Variants in COL19A1 observed in about 807,000 individuals in gnomAD.
COL19A1 encodes the protein collagen alpha-1(XIX) chain.
In COL19A1, 159 loss-of-function variants were observed where a neutral mutation model predicts 190.2. That is an observed-to-expected ratio of 0.84 (90% CI 0.73 to 0.95). The LOEUF is 0.95. Among genes scored for constraint, COL19A1 ranks in the 40% least tolerant of loss-of-function variants. The pLI is 0.00. For missense variants in COL19A1, 1,418 were observed against 1,431.9 expected (o/e 0.99, Z 0.16); for synonymous variants, 509 against 458.9 (o/e 1.11, Z -1.39).
chr6:70,211,345 C>T lies in COL19A1; in HGVS notation c.*4071C>T, dbSNP rs1768196326. On this transcript the variant is annotated 3_prime_UTR_variant, in exon 51 of 51. Transcript: ENST00000620364. ...ACTCAAAAAAGCTTTGCAGATTTGT[C>T]CATTGCTCTTGTTCTTAAATTATTT... is the stretch of plus-strand genomic sequence containing the variant. 6.6e-6 allele frequency among the ~76,000 whole-genome samples: 1 copy of T among 151,796 alleles called. No individual in the cohort carries two copies. Among genetic ancestry groups the T allele is most frequent in the Non-Finnish European group, 1.5e-5 (1 of 67,906 alleles).
intron 14 of COL19A1, among the ~76,000 whole-genome samples, chr6:70,036,315 A>G (rs1340764421): frequency 6.6e-6 from 1 of 152,142 alleles, no homozygotes; most frequent in African/African-American, 2.4e-5. Context: ...GACAAAACAA[A>G]CTCTAATCAC....
intron 41 of COL19A1, among the ~76,000 whole-genome samples, chr6:70,175,983 C>T (rs139845822): frequency 5.6e-4 from 85 of 151,996 alleles, no homozygotes; most frequent in Admixed American, 2.8e-3. Flanking sequence ...TCTAAAATAT[C>T]ACATTGGCTC....
intron 41 of COL19A1, among the ~76,000 whole-genome samples, chr6:70,174,410 A>C (rs893311191): frequency 3.7e-4 from 57 of 152,182 alleles, no homozygotes; most frequent in Non-Finnish European, 7.5e-4. Context: ...TCCACCAAAA[A>C]TTAGCCAAGC....
chr6:70,009,435 A>T (rs1427262307), intron 11 of COL19A1, among the ~76,000 whole-genome samples: 1 of 152,108 alleles, frequency 6.6e-6, no homozygotes. Flanking sequence ...ACTAAAAAAC[A>T]TTGCTAAAAG....
At position 69,932,834 on chromosome 6, in the gene COL19A1, G is replaced by T; in HGVS notation, c.718G>T (p.Glu240Ter). The change falls in exon 7 of 51, where the codon GAA (glutamate) becomes TAA (stop). Residue 240 changes from glutamate to a stop codon, truncating the protein, a stop_gained. Transcript: ENST00000620364. LOFTEE classifies it high-confidence loss of function. Reference protein sequence around the residue: ...IYCSANLIAQETCCEISDTKC... With the variant: ...IYCSANLIAQ ...CTGCAGTGCAAACCTCATAGCTCAA[G>T]AAACATGTTGTGAAATATCAGATAC... 1 of 1,608,336 alleles carries T rather than the reference G, an allele frequency of 6.2e-7. No individual in the cohort carries two copies.
intron 14 of COL19A1, among the ~76,000 whole-genome samples, chr6:70,039,393 T>C (rs1183462564): frequency 6.6e-6 from 1 of 152,194 alleles, no homozygotes; most frequent in African/African-American, 2.4e-5. Flanking sequence ...AGGCCAGCCT[T>C]CCTAGTCATA....
At chr6:69,921,781 C>T (rs1025570540) in intron 4 of COL19A1, among the ~76,000 whole-genome samples, 6 of 143,812 alleles carry the variant, frequency 4.2e-5, no homozygotes, top group Admixed American at 7.0e-5. Flanking sequence ...TATGTATATT[C>T]GTATGTAGAT....
intron 36 of COL19A1, among the ~76,000 whole-genome samples, chr6:70,163,947 C>T (rs1787976043): frequency 6.6e-6 from 1 of 152,092 alleles, no homozygotes; most frequent in Non-Finnish European, 1.5e-5. Flanking sequence ...GACCAAGCTC[C>T]CTTGGGCCTC....
intron 8 of COL19A1, among the ~76,000 whole-genome samples, chr6:69,937,809 G>T (rs915631135): frequency 6.6e-6 from 1 of 152,124 alleles, no homozygotes; most frequent in Non-Finnish European, 1.5e-5. Flanking sequence ...TGGAAGGTCT[G>T]GAGGAGATGA....
intron 9 of COL19A1, among the ~76,000 whole-genome samples, chr6:69,939,072 A>T (rs1174830798): frequency 6.6e-6 from 1 of 152,114 alleles, no homozygotes; most frequent in Non-Finnish European, 1.5e-5. Context: ...AGCTAAAGTC[A>T]TTTGATTCCT....
intron 1 of COL19A1, among the ~76,000 whole-genome samples, chr6:69,868,843 A>C (rs909362062): frequency 5.3e-5 from 8 of 152,250 alleles, no homozygotes; most frequent in African/African-American, 1.9e-4. Flanking sequence ...TATTTTCTCC[A>C]GCAGGCAGAA....
chr6:69,922,945 C>T lies in COL19A1; in HGVS notation c.267-4964C>T, dbSNP rs747865590. On this transcript the variant is annotated intron_variant, in intron 4 of 50. Coordinates refer to ENST00000620364, the MANE Select transcript of COL19A1 (RefSeq NM_001858.6). Reference sequence around the variant, plus strand: ...CAAAGTATGTTAAATGCTGTGCTTGCTTTCAAAGAGCTTTCAGTCTTAACA... The same window carrying T: ...CAAAGTATGTTAAATGCTGTGCTTGTTTTCAAAGAGCTTTCAGTCTTAACA... Among the ~76,000 whole-genome samples, 56 of 152,126 alleles carry T rather than the reference C, an allele frequency of 3.7e-4. 1 individual carries two copies. The highest frequency in any genetic ancestry group is 6.6e-4 in the Non-Finnish European group (45 of 68,008).
At chr6:69,958,275 C>T (rs564865352) in intron 9 of COL19A1, among the ~76,000 whole-genome samples, 5 of 152,130 alleles carry the variant, frequency 3.3e-5, no homozygotes, top group South Asian at 2.1e-4. Context: ...ACCGTATTGG[C>T]GTACTTTAAT....
chr6:70,054,494 G>T (rs1582791813), intron 14 of COL19A1, among the ~76,000 whole-genome samples: 1 of 152,110 alleles, frequency 6.6e-6, no homozygotes, highest in African/African-American at 2.4e-5. Flanking sequence ...AGAATAAGTT[G>T]CCAGGTATGA....
rs894486971 is a variant in COL19A1, at chr6:70,059,958, G to C, written c.1171-8465G>C. Among the ~76,000 whole-genome samples, 142 of 152,084 alleles carry C rather than the reference G, an allele frequency of 9.3e-4. 9 individuals are homozygous for C. The highest frequency in any genetic ancestry group is 1.5e-5 in the Non-Finnish European group (1 of 68,010). On this transcript the variant is annotated intron_variant, in intron 14 of 50. Coordinates refer to ENST00000620364, the MANE Select transcript of COL19A1 (RefSeq NM_001858.6). ...AAATCCACAGGCTATGCAAATGTGT[G>C]GTGTGTACAAAGATAATTAAGACTA...
intron 12 of COL19A1, among the ~76,000 whole-genome samples, chr6:70,024,943 G>A (rs1778646908): frequency 6.6e-6 from 1 of 152,168 alleles, no homozygotes. Context: ...TAGAAAGCCA[G>A]GGTCCAGTTT....
At chr6:70,030,610 A>G (rs1041320166) in intron 12 of COL19A1, among the ~76,000 whole-genome samples, 1 of 152,200 alleles carries the variant, frequency 6.6e-6, no homozygotes, top group African/African-American at 2.4e-5. Flanking sequence ...TGTTGAGTAA[A>G]TGGATACTCA....
At chr6:69,884,734 A>T (rs1432234352) in intron 2 of COL19A1, among the ~76,000 whole-genome samples, 1 of 152,114 alleles carries the variant, frequency 6.6e-6, no homozygotes, top group African/African-American at 2.4e-5. Context: ...GGTTCTCAGG[A>T]TTCTAATTTT....
intron 23 of COL19A1, among the ~76,000 whole-genome samples, chr6:70,143,152 AAG>A: frequency 6.6e-6 from 1 of 152,290 alleles, no homozygotes; most frequent in African/African-American, 2.4e-5. Context: ...AGAACACCAA[AAG>A]AGAAAGCAAA....
Sources: gnomAD v4.1 joint callset for allele counts (sites outside exome capture counted in the v4.1 genomes callset) on GRCh38, gnomAD v4.1.1 for gene constraint, MANE v1.5 for transcripts, NCBI Gene and HGNC (gene_info 2026-07-23, HGNC 2026-07-21) for gene names.